Variants in LRTM2 observed in about 807,000 individuals in gnomAD.
LRTM2 encodes the protein leucine-rich repeat and transmembrane domain-containing protein 2.
In LRTM2, 18 loss-of-function variants were observed where a neutral mutation model predicts 28.1. The observed-to-expected ratio is 0.64, with a 90% CI of 0.44 to 0.95. The LOEUF (loss-of-function observed/expected upper bound fraction) is 0.95, where lower values mean the gene tolerates loss of function less well. Ranked by LOEUF, LRTM2 falls within the 40% of genes least tolerant of loss-of-function variation. The pLI, the probability that LRTM2 is intolerant of heterozygous loss-of-function variation, is 0.00. For missense variants in LRTM2, 436 were observed against 497.2 expected (o/e 0.88, Z 1.17); for synonymous variants, 250 against 218.7 (o/e 1.14, Z -1.26).
In LRTM2 at chr12:1,831,295, G is replaced by A. The variant is rs553400606; in HGVS notation, c.428G>A (p.Arg143His). Residue 143 changes from arginine (R) to histidine (H), a missense_variant, in exon 4 of 5, where the codon CGC becomes CAC. By Grantham distance (29) the Arg-to-His change is conservative. Transcript: ENST00000299194. ...CTGCTGCGGCACTCGCCGCTGCTCC[G>A]CCACCTGGACCTGTCCATCAACGGC... The part of the protein sequence containing the change: ...RDLLRHSPLL[R>H]HLDLSINGLA... The A allele has an allele frequency of 2.8e-5, 45 of 1,613,408 alleles. No individual in the cohort carries two copies. The highest frequency in any genetic ancestry group is 6.7e-5 in the Admixed American group (4 of 60,004).
chr12:1,823,093 C>T (rs1419189151), intron 1 of LRTM2: 1 of 152,396 alleles, frequency 6.6e-6, no homozygotes, highest in Non-Finnish European at 1.5e-5. Context: ...GGGGTATGGA[C>T]TCTTGACCAA....
rs1466047360 is a variant in LRTM2, at chr12:1,829,172, G to A, written c.67+957G>A. ...CACCTTGATCTCCAGGGAGGTGGGG[G>A]GCGCAGGGAGTCGCTCTTCCGCAGC... On this transcript the variant is annotated intron_variant, in intron 3 of 4. Coordinates refer to ENST00000299194, the MANE Select transcript of LRTM2 (RefSeq NM_001039029.3). This position sits in a 1 kb window ranked among gnomAD's most constrained non-coding sequence, Gnocchi z 4.2. 6.6e-6 allele frequency among the ~76,000 whole-genome samples: 1 copy of A among 152,180 alleles called. No individual in the cohort carries two copies. Among genetic ancestry groups the A allele is most frequent in the East Asian group, 1.9e-4 (1 of 5,180 alleles).
chr12:1,826,414 C>G (rs1024732498), intron 1 of LRTM2, among the ~76,000 whole-genome samples: 10 of 138,560 alleles, frequency 7.2e-5, no homozygotes, highest in African/African-American at 2.2e-4. Context: ...CCCCCCCCCC[C>G]CCGCCAACTG....
rs1457449267 is a variant in LRTM2 at position 1,835,111 on chromosome 12, T to C, written c.*390T>C. On this transcript the variant is annotated 3_prime_UTR_variant, in exon 5 of 5. Transcript: ENST00000299194. ...CCTTGCTGGTCCCACCTCACCTGCA[T>C]TGAGGGGACGGGGAGGGAGGGATCT... 4 of 193,540 alleles carry C rather than the reference T, an allele frequency of 2.1e-5. No homozygotes were observed. The highest frequency in any genetic ancestry group is 1.4e-4 in the South Asian group (1 of 7,018). The allele number at this position is 193,540 out of a possible 1,614,324, so 12.0% of individuals were successfully genotyped here.
chr12:1,831,460 A>T lies in LRTM2; in HGVS notation c.593A>T (p.Asn198Ile). ...CTGCAGCTGCTGCAGGTCGGGGATAACCCCTGGGAGTGTGACTGTAACCTG... is the reference window on the plus strand; with the variant it reads ...CTGCAGCTGCTGCAGGTCGGGGATATCCCCTGGGAGTGTGACTGTAACCTG... ...ANLQLLQVGD[N>I]PWECDCNLRE... Residue 198 changes from asparagine (N) to isoleucine (I), a missense_variant, in exon 4 of 5, where the codon AAC becomes ATC. Transcript: ENST00000299194. The T allele has an allele frequency of 6.2e-7, 1 of 1,614,062 alleles. No homozygotes were observed. The highest frequency in any genetic ancestry group is 8.5e-7 in the Non-Finnish European group (1 of 1,180,014).
chr12:1,828,672 T>C lies in LRTM2; in HGVS notation c.67+457T>C, dbSNP rs1864476064. ...GCCAGGAGCTGGGTCAGCTTGGAGA[T>C]GTCTCTTATGCTCCTTATGCCTCCG... On this transcript the variant is annotated intron_variant, in intron 3 of 4. Coordinates refer to ENST00000299194, the MANE Select transcript of LRTM2 (RefSeq NM_001039029.3). The surrounding 1 kb of genome is among the most constrained non-coding windows in gnomAD (Gnocchi z 4.2). Among the ~76,000 whole-genome samples, 1 of 152,206 alleles carries C rather than the reference T, an allele frequency of 6.6e-6. No homozygotes were observed. The highest frequency in any genetic ancestry group is 2.1e-4 in the South Asian group (1 of 4,828).
At chr12:1,827,211 G>C (rs1031283673) in intron 1 of LRTM2, among the ~76,000 whole-genome samples, 199 bp from the exon 2 acceptor site, 1 of 152,144 alleles carries the variant, frequency 6.6e-6, no homozygotes, top group Non-Finnish European at 1.5e-5. Flanking sequence ...CTGGCAGCCT[G>C]GGCCTCCCAT....
intron 1 of LRTM2, among the ~76,000 whole-genome samples, chr12:1,826,683 G>A (rs142781083): frequency 4.7e-5 from 7 of 148,134 alleles, no homozygotes; most frequent in East Asian, 2.2e-4. Context: ...GCGGCACTCC[G>A]CTCCTCAGCA....
chr12:1,835,073 GT>G lies in LRTM2; in HGVS notation c.*353del, dbSNP rs1196911111. 19 of 244,040 alleles carry G rather than the reference GT, an allele frequency of 7.8e-5. No homozygotes were observed. Among genetic ancestry groups the G allele is most frequent in the Non-Finnish European group, 1.2e-4 (15 of 125,608 alleles). The allele number at this position is 244,040 out of a possible 1,614,324, so 15.1% of individuals were successfully genotyped here. The stretch of plus-strand genomic sequence containing the variant: ...TCCTGCCCTGGGGTGGCCATAGCTG[GT>G]GACTCTTCCTACCTTGCTGGTCCCA... On this transcript the variant is annotated 3_prime_UTR_variant, in exon 5 of 5. Coordinates refer to ENST00000299194, the MANE Select transcript of LRTM2 (RefSeq NM_001039029.3).
intron 1 of LRTM2, among the ~76,000 whole-genome samples, chr12:1,825,655 G>T (rs1864282918): frequency 6.6e-6 from 1 of 152,242 alleles, no homozygotes; most frequent in South Asian, 2.1e-4. Flanking sequence ...TAGCTGCACA[G>T]CTCTCTGTGG....
intron 1 of LRTM2, among the ~76,000 whole-genome samples, chr12:1,823,551 C>T (rs1864196683): frequency 6.6e-6 from 1 of 152,188 alleles, no homozygotes; most frequent in African/African-American, 2.4e-5. Context: ...GGGCCTCCTG[C>T]TCCCCCATGG....
rs926232648 is a variant in LRTM2, at chr12:1,828,685, C to T, written c.67+470C>T. Among the ~76,000 whole-genome samples, 1 of 152,208 alleles carries T rather than the reference C, an allele frequency of 6.6e-6. No individual in the cohort carries two copies. Among genetic ancestry groups the T allele is most frequent in the Non-Finnish European group, 1.5e-5 (1 of 68,046 alleles). On this transcript the variant is annotated intron_variant, in intron 3 of 4. Coordinates refer to ENST00000299194, the MANE Select transcript of LRTM2 (RefSeq NM_001039029.3). This position sits in a 1 kb window ranked among gnomAD's most constrained non-coding sequence, Gnocchi z 4.2. ...TCAGCTTGGAGATGTCTCTTATGCT[C>T]CTTATGCCTCCGCTTTCCCAACTCT...
chr12:1,823,437 AG>A (rs2154446531), intron 1 of LRTM2, among the ~76,000 whole-genome samples: 1 of 152,106 alleles, frequency 6.6e-6, no homozygotes, highest in Non-Finnish European at 1.5e-5. Context: ...CCGTGCTCTG[AG>A]GGGGCCGAGT....
Position 1,835,621 on chromosome 12 carries a change from GGCCAAAGTGGT to G in LRTM2, c.*904_*914del, listed in dbSNP as rs1433990444. On this transcript the variant is annotated 3_prime_UTR_variant, in exon 5 of 5. Coordinates refer to ENST00000299194, the MANE Select transcript of LRTM2 (RefSeq NM_001039029.3). ...GGATCCTTTGAGATCCTCTAAAGTG[GGCCAAAGTGGT>G]GCCCCTGGAGGAGCCCTCCTGTCAC... 6.6e-6 allele frequency: 1 copy of G among 152,602 alleles called. No individual in the cohort carries two copies. The highest frequency in any genetic ancestry group is 2.4e-5 in the African/African-American group (1 of 41,412). The allele number at this position is 152,602 out of a possible 1,614,324, so 9.5% of individuals were successfully genotyped here.
chr12:1,834,228 G>C lies in LRTM2; in HGVS notation c.659-39G>C. The C allele has an allele frequency of 2.6e-6, 4 of 1,519,252 alleles. No homozygotes were observed. Among genetic ancestry groups the C allele is most frequent in the Non-Finnish European group, 3.5e-6 (4 of 1,133,658 alleles). The allele number at this position is 1,519,252 out of a possible 1,614,324, so 94.1% of individuals were successfully genotyped here. A position where few individuals can be genotyped will look rare whatever the true frequency, so the allele number is the denominator to read the frequency against. ...ATGGGGAGAGGGAGTGCAAGTTCTA[G>C]ATGCCTGGTCAGCCCCTCTTTTTCT... On this transcript the variant is annotated intron_variant, in intron 4 of 4. Coordinates refer to ENST00000299194, the MANE Select transcript of LRTM2 (RefSeq NM_001039029.3). This position sits in a 1 kb window ranked among gnomAD's most constrained non-coding sequence, Gnocchi z 7.6.
rs768082828 is a variant in LRTM2 at position 1,834,521 on chromosome 12, A to C, written c.913A>C (p.Arg305=). 1.2e-6 allele frequency: 2 copies of C among 1,605,858 alleles called. No individual in the cohort carries two copies. Among genetic ancestry groups the C allele is most frequent in the South Asian group, 2.2e-5 (2 of 91,070 alleles). The change falls in exon 5 of 5, where the codon AGG becomes CGG. Residue 305 remains arginine (R), a synonymous_variant. Coordinates refer to ENST00000299194, the MANE Select transcript of LRTM2 (RefSeq NM_001039029.3). This position sits in a 1 kb window ranked among gnomAD's most constrained non-coding sequence, Gnocchi z 7.6. Reference sequence around the variant, plus strand: ...GCAGAGGCACCGGCCGGCGAGCGTGAGGCGAGCCATGGGCACGGTGATCAT... The same window carrying C: ...GCAGAGGCACCGGCCGGCGAGCGTGCGGCGAGCCATGGGCACGGTGATCAT... ...QKQRHRPASV[R]RAMGTVIIAG... is the part of the protein sequence containing the mutation.
rs1011962781 is a variant in LRTM2 at position 1,835,022 on chromosome 12, C to T, written c.*301C>T. 4.6e-5 allele frequency: 17 copies of T among 371,504 alleles called. No homozygotes were observed. Among genetic ancestry groups the T allele is most frequent in the South Asian group, 2.7e-4 (5 of 18,716 alleles). 23.0% of individuals were successfully genotyped at this position (371,504 alleles called of 1,614,324 possible). ...GGAGGTGTGTGCAAGAGGAGGCTTC[C>T]GGACTGGGCATTCCCCTGTCGCCCT... On this transcript the variant is annotated 3_prime_UTR_variant, in exon 5 of 5. Coordinates refer to ENST00000299194, the MANE Select transcript of LRTM2 (RefSeq NM_001039029.3).
rs894792840 is a variant in LRTM2 at position 1,834,928 on chromosome 12, T to G, written c.*207T>G. ...CCGTGCTGGGGGCTCCTGCTGATGCTCCTGTCTGGGCCAGTAAATCTTTGG... is the reference window on the plus strand; with the variant it reads ...CCGTGCTGGGGGCTCCTGCTGATGCGCCTGTCTGGGCCAGTAAATCTTTGG... On this transcript the variant is annotated 3_prime_UTR_variant, in exon 5 of 5. Transcript: ENST00000299194. The surrounding 1 kb of genome is among the most constrained non-coding windows in gnomAD (Gnocchi z 7.6). 1.1e-6 allele frequency: 1 copy of G among 900,606 alleles called. No individual in the cohort carries two copies. Among genetic ancestry groups the G allele is most frequent in the South Asian group, 1.9e-5 (1 of 52,628 alleles). 55.8% of individuals were successfully genotyped at this position (900,606 alleles called of 1,614,324 possible).
In LRTM2 at chr12:1,828,729, G is replaced by A. The variant is rs1015447364; in HGVS notation, c.67+514G>A. Among the ~76,000 whole-genome samples, 1 of 152,212 alleles carries A rather than the reference G, an allele frequency of 6.6e-6. No homozygotes were observed. The highest frequency in any genetic ancestry group is 2.4e-5 in the African/African-American group (1 of 41,458). On this transcript the variant is annotated intron_variant, in intron 3 of 4. Coordinates refer to ENST00000299194, the MANE Select transcript of LRTM2 (RefSeq NM_001039029.3). This position sits in a 1 kb window ranked among gnomAD's most constrained non-coding sequence, Gnocchi z 4.2. ...CAACTCTCGGTAGAGGACCTAGTGG[G>A]CTCGTGGGATGCGGCGCTGGAAGAG...
Sources: allele counts gnomAD v4.1 joint callset (sites outside exome capture counted in the v4.1 genomes callset), GRCh38; gene constraint gnomAD v4.1.1; non-coding constraint Gnocchi (gnomAD v3.1); transcripts MANE v1.5; gene names NCBI Gene and HGNC (gene_info 2026-07-23, HGNC 2026-07-21).